The following ACACB variants were observed in gnomAD, a reference collection of about 807,000 sequenced individuals.
ACACB encodes the protein acetyl-CoA carboxylase beta.
ACACB carries 209 observed loss-of-function variants against 278.8 expected under a neutral mutation model. The observed-to-expected ratio is 0.75, with a 90% CI of 0.67 to 0.84. The LOEUF is 0.84. ACACB is among the 40% of genes least tolerant of loss of function. ACACB has a pLI of 0.00. For synonymous variants in ACACB, 1,174 were observed against 1,285.6 expected (o/e 0.91, Z 1.86); for missense variants, 2,850 against 3,269.0 (o/e 0.87, Z 3.13).
intron 24 of ACACB, among the ~76,000 whole-genome samples, chr12:109,219,202 G>A (rs1387290292): frequency 1.3e-5 from 2 of 152,134 alleles, no homozygotes. Context: ...ACATGAATGA[G>A]GGTGGCTATG....
In ACACB at chr12:109,233,822, C is replaced by G; in HGVS notation, c.4214C>G (p.Ser1405Cys). ...DTPLFSEART[S>C]LYSEDDCKSL... ...CCCCTCTTCAGCGAGGCCCGCACCT[C>G]CCTATACTCCGAGGATGACTGCAAG... The change falls in exon 30 of 53, where the codon TCC becomes TGC. Residue 1405 changes from serine (S) to cysteine (C), a missense_variant. By Grantham distance (112) the Ser-to-Cys change is moderately radical. Transcript: ENST00000338432. 6.2e-7 allele frequency: 1 copy of G among 1,614,220 alleles called. No individual in the cohort carries two copies. The highest frequency in any genetic ancestry group is 8.5e-7 in the Non-Finnish European group (1 of 1,180,042).
Position 109,188,182 on chromosome 12 carries a change from CTT to C in ACACB, c.2144+21_2144+22del. On this transcript the variant is annotated intron_variant, in intron 13 of 52. Coordinates refer to ENST00000338432, the MANE Select transcript of ACACB (RefSeq NM_001093.4). Reference sequence around the variant, plus strand: ...CATTTCGTCAGTATCTCCTTCCTTCCTTCCTTCCTTCCTTCCTTCCTTCCTTC... The same window carrying C: ...CATTTCGTCAGTATCTCCTTCCTTCCCCTTCCTTCCTTCCTTCCTTCCTTC... 3.5e-6 allele frequency: 2 copies of C among 572,462 alleles called. No individual in the cohort carries two copies. Among genetic ancestry groups the C allele is most frequent in the Non-Finnish European group, 2.7e-6 (1 of 366,458 alleles). The allele number at this position is 572,462 out of a possible 1,614,324, so 35.5% of individuals were successfully genotyped here. A position where few individuals can be genotyped will look rare whatever the true frequency, so the allele number is the denominator to read the frequency against.
intron 49 of ACACB, 114 bp downstream of exon 49, chr12:109,262,583 A>G (rs765718223): frequency 4.8e-6 from 3 of 623,344 alleles, no homozygotes; most frequent in Admixed American, 2.9e-5. Flanking sequence ...AAATACAGCT[A>G]TAATAACTGT....
intron 2 of ACACB, among the ~76,000 whole-genome samples, chr12:109,154,356 C>T (rs2043459129): frequency 6.6e-6 from 1 of 152,248 alleles, no homozygotes; most frequent in Non-Finnish European, 1.5e-5. Flanking sequence ...TTTTAACGGG[C>T]ACAGTGGCGA....
intron 2 of ACACB, among the ~76,000 whole-genome samples, chr12:109,148,682 C>T (rs1027212239): frequency 6.6e-6 from 1 of 152,102 alleles, no homozygotes; most frequent in Admixed American, 6.6e-5. Flanking sequence ...ACATATCAGG[C>T]CCTGGGAATT....
chr12:109,201,318 G>A (rs2045323043), intron 18 of ACACB, among the ~76,000 whole-genome samples: 1 of 152,168 alleles, frequency 6.6e-6, no homozygotes, highest in African/African-American at 2.4e-5. Context: ...TTCCATATCT[G>A]TAAAATGGGC....
At chr12:109,177,401 GACTT>G (rs1388126211) in intron 9 of ACACB, among the ~76,000 whole-genome samples, 1 of 152,154 alleles carries the variant, frequency 6.6e-6, no homozygotes, top group East Asian at 1.9e-4. Context: ...TGGGGAGAAA[GACTT>G]AGTTAAATAG....
intron 28 of ACACB, among the ~76,000 whole-genome samples, chr12:109,227,991 C>T (rs1448187409): frequency 6.6e-6 from 1 of 150,456 alleles, no homozygotes; most frequent in Non-Finnish European, 1.5e-5. Flanking sequence ...CTGAGATTGC[C>T]CCACTGCACT....
At chr12:109,254,125 A>G in intron 43 of ACACB, 89 bp from the exon 44 acceptor site, 1 of 1,506,458 alleles carries the variant, frequency 6.6e-7, no homozygotes, top group African/African-American at 1.4e-5. Context: ...ATAACCAGGC[A>G]TAATCATAGT....
chr12:109,212,449 T>G (rs943083722), intron 21 of ACACB, among the ~76,000 whole-genome samples: 2 of 152,146 alleles, frequency 1.3e-5, no homozygotes, highest in African/African-American at 4.8e-5. Context: ...GCCCCAGGCT[T>G]GTTTTCCTGC....
chr12:109,112,229 A>G (rs1005522446), upstream of ACACB, among the ~76,000 whole-genome samples: 21 of 148,666 alleles, frequency 1.4e-4, no homozygotes, highest in Admixed American at 5.4e-4. Context: ...TTGAATATAT[A>G]TGTATATAAG....
At chr12:109,201,423 C>T in intron 18 of ACACB, 144 bp from the exon 19 acceptor site, 1 of 955,660 alleles carries the variant, frequency 1.0e-6, no homozygotes, top group Non-Finnish European at 1.6e-6. Context: ...CTTGTACCTT[C>T]TGCCTGAACA....
chr12:109,148,766 T>C (rs2043302153), intron 2 of ACACB, among the ~76,000 whole-genome samples: 2 of 152,122 alleles, frequency 1.3e-5, no homozygotes, highest in South Asian at 4.2e-4. Flanking sequence ...CAAAAAATGC[T>C]TCTGCTTAGT....
At chr12:109,112,705 A>C (rs1359343246), upstream of ACACB, among the ~76,000 whole-genome samples, 1 of 151,934 alleles carries the variant, frequency 6.6e-6, no homozygotes, top group Non-Finnish European at 1.5e-5. Context: ...AAAAAAAAAA[A>C]AAAACCAACC....
At chr12:109,239,612 G>A (rs1417313511) in intron 34 of ACACB, among the ~76,000 whole-genome samples, 1 of 152,260 alleles carries the variant, frequency 6.6e-6, no homozygotes, top group Non-Finnish European at 1.5e-5. Context: ...GTGTCAAAGT[G>A]TCAGAATGCA....
chr12:109,111,421 AG>A, the ACACB span: 8 of 152,246 alleles, frequency 5.3e-5, no homozygotes, highest in African/African-American at 1.7e-4. Context: ...AAGTGAGGCC[AG>A]GGCTCCAGGA....
At chr12:109,199,741 T>C (rs1459084383) in intron 18 of ACACB, among the ~76,000 whole-genome samples, 189 bp downstream of exon 18, 1 of 152,142 alleles carries the variant, frequency 6.6e-6, no homozygotes, top group South Asian at 2.1e-4. Context: ...AGGCTGGGCG[T>C]GGTGGTTCAC....
chr12:109,199,637 T>C lies in ACACB; in HGVS notation c.2778+85T>C, dbSNP rs538348471. The C allele has an allele frequency of 7.8e-6, 10 of 1,283,800 alleles. No individual in the cohort carries two copies. In the African/African-American group the frequency reaches 1.5e-4, roughly 20 times the overall value. The allele number at this position is 1,283,800 out of a possible 1,614,324, so 79.5% of individuals were successfully genotyped here. A position where few individuals can be genotyped will look rare whatever the true frequency, so the allele number is the denominator to read the frequency against. On this transcript the variant is annotated intron_variant, in intron 18 of 52. Transcript: ENST00000338432. ...TGTCCCATGTCTGAACAAACAGGCC[T>C]ACCTCTCCCCTTGACCACTGTCTGC...
chr12:109,241,373 G>A lies in ACACB; in HGVS notation c.5022+92G>A, dbSNP rs1483030820. On this transcript the variant is annotated intron_variant, in intron 36 of 52. Coordinates refer to ENST00000338432, the MANE Select transcript of ACACB (RefSeq NM_001093.4). Reference sequence around the variant, plus strand: ...GTAGATTAAGATGGCATTTGGAGGCGGTCTTGCCTTGCTCTCCCATGTCAT... The same window carrying A: ...GTAGATTAAGATGGCATTTGGAGGCAGTCTTGCCTTGCTCTCCCATGTCAT... 1.2e-5 allele frequency: 16 copies of A among 1,329,820 alleles called. No homozygotes were observed. The East Asian group carries it at 2.5e-4, about 21-fold the overall frequency. The allele number at this position is 1,329,820 out of a possible 1,614,324, so 82.4% of individuals were successfully genotyped here. A position where few individuals can be genotyped will look rare whatever the true frequency, so the allele number is the denominator to read the frequency against.
Sources: gnomAD v4.1 joint callset for allele counts (sites outside exome capture counted in the v4.1 genomes callset) on GRCh38, gnomAD v4.1.1 for gene constraint, MANE v1.5 for transcripts, NCBI Gene and HGNC (gene_info 2026-07-23, HGNC 2026-07-21) for gene names.